The following PRKG1 variants were observed in gnomAD, a reference collection of about 807,000 sequenced individuals.
PRKG1 encodes the protein cGMP-dependent protein kinase 1.
PRKG1 carries 35 observed loss-of-function variants against 88.1 expected under a neutral mutation model. The observed-to-expected ratio is 0.40, with a 90% CI of 0.30 to 0.53. The LOEUF is 0.53. Ranked by LOEUF, PRKG1 falls within the 20% of genes least tolerant of loss-of-function variation. PRKG1 has a pLI of 0.59. For missense variants in PRKG1, 540 were observed against 839.8 expected, an observed-to-expected ratio of 0.64 and a Z score of 4.41; for synonymous variants, 303 against 292.5, an observed-to-expected ratio of 1.04 and a Z score of -0.37.
chr10:51,713,047 G>A (rs980467815), intron 3 of PRKG1, among the ~76,000 whole-genome samples: 2 of 152,052 alleles, frequency 1.3e-5, no homozygotes, highest in African/African-American at 2.4e-5. Context: ...TATACAGCAA[G>A]TAAAAGCCAG....
chr10:51,485,455 T>C (rs1840505123), intron 3 of PRKG1, among the ~76,000 whole-genome samples: 1 of 152,162 alleles, frequency 6.6e-6, no homozygotes, highest in African/African-American at 2.4e-5. Context: ...TGGAAATAAT[T>C]AGATAGCTTT....
chr10:52,012,244 C>CTT (rs1844904933), intron 5 of PRKG1, among the ~76,000 whole-genome samples: 1 of 108,130 alleles, frequency 9.2e-6, no homozygotes, highest in Admixed American at 9.2e-5. Flanking sequence ...GATTTATTTG[C>CTT]CTTTTTTTTT....
chr10:51,254,509 G>C (rs1839506982), intron 2 of PRKG1, among the ~76,000 whole-genome samples: 1 of 151,884 alleles, frequency 6.6e-6, no homozygotes, highest in African/African-American at 2.4e-5. Context: ...GTCAATCTAA[G>C]GGGTGAATTT....
chr10:51,145,394 A>C (rs1162808851), intron 1 of PRKG1, among the ~76,000 whole-genome samples: 1 of 152,144 alleles, frequency 6.6e-6, no homozygotes, highest in Non-Finnish European at 1.5e-5. Context: ...GGGCATCTAA[A>C]CTTCAGAAAT....
intron 9 of PRKG1, among the ~76,000 whole-genome samples, chr10:52,201,765 C>T (rs1839675121): frequency 6.6e-6 from 1 of 152,008 alleles, no homozygotes. Context: ...AGAGATCTTT[C>T]ACCTCCCTGA....
intron 10 of PRKG1, among the ~76,000 whole-genome samples, chr10:52,264,949 T>A (rs1162719524): frequency 6.6e-6 from 1 of 152,090 alleles, no homozygotes; most frequent in Non-Finnish European, 1.5e-5. Context: ...TAAGCGACCT[T>A]TGTGTTACTT....
chr10:52,008,999 G>A (rs758490187), intron 5 of PRKG1, among the ~76,000 whole-genome samples: 3 of 152,026 alleles, frequency 2.0e-5, no homozygotes, highest in South Asian at 2.1e-4. Flanking sequence ...AAAAACCCTC[G>A]ATAAACTAGG....
At chr10:51,584,428 A>T (rs555548463) in intron 3 of PRKG1, among the ~76,000 whole-genome samples, 5 of 152,190 alleles carry the variant, frequency 3.3e-5, no homozygotes, top group African/African-American at 1.2e-4. Context: ...TATAATTAAG[A>T]TTCTGCAAAG....
At chr10:52,149,893 T>C (rs1310589754) in intron 8 of PRKG1, among the ~76,000 whole-genome samples, 1 of 152,024 alleles carries the variant, frequency 6.6e-6, no homozygotes, top group Non-Finnish European at 1.5e-5. Flanking sequence ...ATGCCACTTA[T>C]CCCAGCACTT....
chr10:51,459,740 G>A (rs188507564), intron 2 of PRKG1, among the ~76,000 whole-genome samples: 522 of 152,224 alleles, frequency 3.4e-3, no homozygotes, highest in African/African-American at 0.011. Context: ...GAGAAAGGAT[G>A]TTATTCTAAC....
At chr10:51,369,984 A>C (rs1216848230) in intron 2 of PRKG1, among the ~76,000 whole-genome samples, 2 of 152,198 alleles carry the variant, frequency 1.3e-5, no homozygotes, top group African/African-American at 4.8e-5. Flanking sequence ...AACTCTAGCA[A>C]GCCAGCTCAA....
chr10:51,212,999 T>A (rs549364693), intron 2 of PRKG1, among the ~76,000 whole-genome samples: 3,061 of 152,234 alleles, frequency 0.02, 46 homozygotes, highest in Middle Eastern at 0.051. Context: ...CATGCTGCTA[T>A]AAAGACACAT....
Position 51,927,301 on chromosome 10 carries a change from C to G in PRKG1, c.762+19731C>G, listed in dbSNP as rs570701667. ...ATAAGGGGTTTCCCATTTTGCTTGA[C>G]TCTCATTCTCTCTTGTCTGCCACCA... On this transcript the variant is annotated intron_variant, in intron 5 of 17. Transcript: ENST00000373980. Among the ~76,000 whole-genome samples the G allele has an allele frequency of 2.8e-4, 42 of 152,268 alleles. No individual in the cohort carries two copies. In the South Asian group the frequency reaches 8.5e-3, roughly 31 times the overall value.
intron 2 of PRKG1, among the ~76,000 whole-genome samples, chr10:51,250,596 A>G (rs987501585): frequency 1.3e-5 from 2 of 151,860 alleles, no homozygotes; most frequent in East Asian, 3.9e-4. Flanking sequence ...AAAAGCAGTC[A>G]GGGACACACC....
intron 3 of PRKG1, among the ~76,000 whole-genome samples, chr10:51,759,928 G>A (rs892873252): frequency 3.9e-5 from 6 of 152,098 alleles, no homozygotes; most frequent in African/African-American, 1.2e-4. Flanking sequence ...TTTTATTATT[G>A]TTGGTACACT....
intron 2 of PRKG1, among the ~76,000 whole-genome samples, chr10:51,190,042 C>T (rs1056964581): frequency 2.0e-5 from 3 of 151,824 alleles, no homozygotes; most frequent in Non-Finnish European, 4.4e-5. Flanking sequence ...AATGTGAAGT[C>T]AAAGCAGTTG....
chr10:52,224,468 G>A (rs1313673320), intron 9 of PRKG1, among the ~76,000 whole-genome samples: 1 of 151,518 alleles, frequency 6.6e-6, no homozygotes, highest in Non-Finnish European at 1.5e-5. Context: ...TTTTTCCATA[G>A]GTTACTGAGG....
intron 5 of PRKG1, among the ~76,000 whole-genome samples, chr10:51,985,228 A>C (rs2133116981): frequency 6.6e-6 from 1 of 152,330 alleles, no homozygotes; most frequent in Non-Finnish European, 1.5e-5. Context: ...AAATTAGGTT[A>C]GCCCAGGAGC....
intron 1 of PRKG1, among the ~76,000 whole-genome samples, chr10:51,055,040 C>T (rs552661788): frequency 4.1e-4 from 62 of 152,030 alleles, no homozygotes; most frequent in Non-Finnish European, 8.2e-4. Context: ...CTTTAATTTC[C>T]CCTGTATCCC....
Sources: allele counts gnomAD v4.1 joint callset (sites outside exome capture counted in the v4.1 genomes callset), GRCh38; gene constraint gnomAD v4.1.1; transcripts MANE v1.5; gene names NCBI Gene and HGNC (gene_info 2026-07-23, HGNC 2026-07-21).